Variants in ACSS3 observed in about 807,000 individuals in gnomAD.
ACSS3 encodes the protein acyl-CoA synthetase short chain family member 3.
ACSS3 carries 64 observed loss-of-function variants against 84.2 expected under a neutral mutation model. The observed-to-expected ratio is 0.76, with a 90% confidence interval of 0.62 to 0.94. The LOEUF (loss-of-function observed/expected upper bound fraction) is 0.94. Ranked by LOEUF, ACSS3 falls within the 40% of genes least tolerant of loss-of-function variation. The pLI is 0.00. For missense variants in ACSS3, 815 were observed against 867.6 expected (o/e 0.94, Z 0.76); for synonymous variants, 317 against 310.1 (o/e 1.02, Z -0.23).
chr12:81,102,045 GCACACACACA>G (rs68004924), intron 1 of ACSS3, among the ~76,000 whole-genome samples: 1 of 149,060 alleles, frequency 6.7e-6, no homozygotes, highest in Admixed American at 6.7e-5. Flanking sequence ...TTATGCACAC[GCACACACACA>G]CACACACACA....
At chr12:81,095,974 C>T (rs1043848457) in intron 1 of ACSS3, among the ~76,000 whole-genome samples, 1 of 152,194 alleles carries the variant, frequency 6.6e-6, no homozygotes, top group African/African-American at 2.4e-5. Context: ...GGTAAATTAA[C>T]ATAAGGCTAT....
chr12:81,207,880 A>T (rs2032415509), intron 9 of ACSS3, among the ~76,000 whole-genome samples: 1 of 152,056 alleles, frequency 6.6e-6, no homozygotes, highest in Admixed American at 6.6e-5. Context: ...TGAGTCCTCC[A>T]CAGTTAGAGG....
intron 2 of ACSS3, among the ~76,000 whole-genome samples, chr12:81,121,123 A>G (rs1441569192): frequency 6.6e-6 from 1 of 152,224 alleles, no homozygotes; most frequent in African/African-American, 2.4e-5. Flanking sequence ...ATATTTGGCA[A>G]GTTCTCTATG....
intron 5 of ACSS3, among the ~76,000 whole-genome samples, chr12:81,148,932 C>G (rs974688552): frequency 6.8e-6 from 1 of 146,122 alleles, no homozygotes; most frequent in African/African-American, 2.5e-5. Context: ...ATTAGCTGAG[C>G]CTGGTGGCAT....
At chr12:81,090,139 T>C (rs1881580008) in intron 1 of ACSS3, among the ~76,000 whole-genome samples, 1 of 151,970 alleles carries the variant, frequency 6.6e-6, no homozygotes, top group African/African-American at 2.4e-5. Context: ...TCTCCTCTTA[T>C]CTTAGAGAAA....
In ACSS3 at chr12:81,174,797, G is replaced by A. The variant is rs1286759787; in HGVS notation, c.1108G>A (p.Val370Met). Reference sequence around the variant, plus strand: ...ATGAATCTCATTGTAGGGGAAGCCTGTGGGAACACCAGATGCTGGCGCTTA... The same window carrying A: ...ATGAATCTCATTGTAGGGGAAGCCTATGGGAACACCAGATGCTGGCGCTTA... ...NTTVLYEGKP[V>M]GTPDAGAYFR... is the part of the protein sequence containing the mutation. The change falls in exon 8 of 16, where the codon GTG (valine) becomes ATG (methionine). Residue 370 changes from valine to methionine, a missense_variant. Physicochemically the swap from Val to Met is conservative, Grantham distance 21. Transcript: ENST00000548058. The A allele has an allele frequency of 1.2e-6, 2 of 1,612,930 alleles. No individual in the cohort carries two copies. The highest frequency in any genetic ancestry group is 1.7e-6 in the Non-Finnish European group (2 of 1,179,298).
intron 5 of ACSS3, among the ~76,000 whole-genome samples, chr12:81,148,240 T>C (rs1886438919): frequency 6.6e-6 from 1 of 152,180 alleles, no homozygotes; most frequent in African/African-American, 2.4e-5. Flanking sequence ...CCTCCTCTTC[T>C]ACAACACCTA....
chr12:81,122,292 A>G (rs1049284761), intron 2 of ACSS3, among the ~76,000 whole-genome samples: 2 of 151,932 alleles, frequency 1.3e-5, no homozygotes, highest in African/African-American at 4.8e-5. Context: ...CTCACGGAGA[A>G]CTCATGGGCC....
In ACSS3 at chr12:81,224,686, A is replaced by G. The variant is rs149153946; in HGVS notation, c.1514+4610A>G. 2.2e-3 allele frequency among the ~76,000 whole-genome samples: 340 copies of G among 151,892 alleles called. 1 individual carries two copies. Among genetic ancestry groups the G allele is most frequent in the Non-Finnish European group, 3.3e-3 (226 of 67,898 alleles). ...TGGTCGACCATAGTCCAAAGTTATT[A>G]AATGGAAGATTTCAGAAATAAATAA... On this transcript the variant is annotated intron_variant, in intron 11 of 15. Coordinates refer to ENST00000548058, the MANE Select transcript of ACSS3 (RefSeq NM_024560.4).
chr12:81,235,142 G>A (rs2033590083), intron 13 of ACSS3, among the ~76,000 whole-genome samples: 1 of 151,074 alleles, frequency 6.6e-6, no homozygotes, highest in Admixed American at 6.6e-5. Context: ...TTTTTAAGTG[G>A]ATGCCAGTTG....
chr12:81,191,782 A>T (rs1020209946), intron 8 of ACSS3, among the ~76,000 whole-genome samples: 38 of 151,478 alleles, frequency 2.5e-4, no homozygotes, highest in African/African-American at 8.3e-4. Context: ...CTGTTTGATG[A>T]TTTTTCTGCT....
intron 13 of ACSS3, among the ~76,000 whole-genome samples, chr12:81,240,085 AG>A (rs1293085496): frequency 6.6e-6 from 1 of 151,814 alleles, no homozygotes; most frequent in Non-Finnish European, 1.5e-5. Flanking sequence ...AATTTTATTC[AG>A]TTGATTGATG....
At chr12:81,227,951 A>C (rs527665891) in intron 11 of ACSS3, among the ~76,000 whole-genome samples, 2 of 151,770 alleles carry the variant, frequency 1.3e-5, no homozygotes, top group Non-Finnish European at 2.9e-5. Context: ...TGTCATATTT[A>C]ATAGCAATCA....
chr12:81,239,531 C>T (rs1593231960), intron 13 of ACSS3, among the ~76,000 whole-genome samples: 1 of 151,888 alleles, frequency 6.6e-6, no homozygotes, highest in South Asian at 2.1e-4. Flanking sequence ...GGGGAGGCCT[C>T]ACAATCATGG....
chr12:81,208,950 A>G (rs1173527598), intron 9 of ACSS3, among the ~76,000 whole-genome samples: 1 of 152,176 alleles, frequency 6.6e-6, no homozygotes, highest in Non-Finnish European at 1.5e-5. Context: ...ATATTCGATA[A>G]ATACTTATTG....
chr12:81,217,702 G>C (rs891605850), intron 10 of ACSS3, among the ~76,000 whole-genome samples: 2 of 152,068 alleles, frequency 1.3e-5, no homozygotes, highest in Admixed American at 6.6e-5. Context: ...AATTAGCCGG[G>C]TGTGGTGGTG....
intron 11 of ACSS3, among the ~76,000 whole-genome samples, chr12:81,227,527 C>A (rs2033311810): frequency 6.6e-6 from 1 of 151,726 alleles, no homozygotes; most frequent in African/African-American, 2.4e-5. Flanking sequence ...AAATCAATAT[C>A]TATTTGCTGA....
At position 81,195,472 on chromosome 12, in the gene ACSS3, C is replaced by G. The variant is rs116605498; in HGVS notation, c.1251-3869C>G. On this transcript the variant is annotated intron_variant, in intron 8 of 15. Coordinates refer to ENST00000548058, the MANE Select transcript of ACSS3 (RefSeq NM_024560.4). ...ATTTTTTCATTCTGCTATAACAGTTCCCTCAGATGAGGTCATTTTTGATCA... is the reference window on the plus strand; with the variant it reads ...ATTTTTTCATTCTGCTATAACAGTTGCCTCAGATGAGGTCATTTTTGATCA... 8.8e-3 allele frequency among the ~76,000 whole-genome samples: 1,332 copies of G among 152,050 alleles called. 19 individuals carry two copies. Among genetic ancestry groups the G allele is most frequent in the African/African-American group, 0.031 (1,281 of 41,508 alleles).
At chr12:81,139,854 C>G (rs949133579) in intron 4 of ACSS3, among the ~76,000 whole-genome samples, 22 of 151,876 alleles carry the variant, frequency 1.4e-4, no homozygotes, top group African/African-American at 5.3e-4. Context: ...CCAGGATGGT[C>G]TCGATCTCCT....
Sources: gnomAD v4.1 joint callset for allele counts (sites outside exome capture counted in the v4.1 genomes callset) on GRCh38, gnomAD v4.1.1 for gene constraint, MANE v1.5 for transcripts, NCBI Gene and HGNC (gene_info 2026-07-23, HGNC 2026-07-21) for gene names.